The following CEP164 variants were observed in gnomAD, a reference collection of about 807,000 sequenced individuals.
CEP164 encodes centrosomal protein 164, also known as centrosomal protein of 164 kDa.
CEP164 carries 162 observed loss-of-function variants against 182.7 expected under a neutral mutation model. The ratio of observed to expected loss-of-function variants is 0.89; its 90% CI spans 0.78 to 1.01. The LOEUF (loss-of-function observed/expected upper bound fraction) is 1.01, where lower values mean the gene tolerates loss of function less well. Among genes scored for constraint, CEP164 ranks in the 50% least tolerant of loss-of-function variants. CEP164 has a pLI of 0.00. For synonymous variants in CEP164, 661 were observed against 690.0 expected, an observed-to-expected ratio of 0.96 and a Z score of 0.66; for missense variants, 1,735 against 1,790.4, an observed-to-expected ratio of 0.97 and a Z score of 0.56.
chr11:117,372,874 G>A (rs1046920801), intron 9 of CEP164, among the ~76,000 whole-genome samples: 1 of 152,100 alleles, frequency 6.6e-6, no homozygotes, highest in Non-Finnish European at 1.5e-5. Context: ...GGTAGATTAG[G>A]TGACAAGAAG....
chr11:117,405,164 G>C (rs2046534646), intron 27 of CEP164, among the ~76,000 whole-genome samples: 1 of 152,088 alleles, frequency 6.6e-6, no homozygotes, highest in South Asian at 2.1e-4. Context: ...GGAGTGAATG[G>C]TTCTGTGTCA....
chr11:117,376,074 A>G (rs1159755258), intron 11 of CEP164, among the ~76,000 whole-genome samples: 2 of 152,072 alleles, frequency 1.3e-5, no homozygotes, highest in African/African-American at 4.8e-5. Context: ...CGCTGTGTAG[A>G]TTGTAGATTT....
chr11:117,372,902 T>C (rs568339330), intron 9 of CEP164, among the ~76,000 whole-genome samples: 2 of 152,326 alleles, frequency 1.3e-5, no homozygotes, highest in East Asian at 1.9e-4. Context: ...TCGTCCATTT[T>C]TGTGGCTTTT....
intron 27 of CEP164, among the ~76,000 whole-genome samples, chr11:117,401,550 G>A (rs1188141497): frequency 2.0e-5 from 3 of 152,188 alleles, no homozygotes; most frequent in African/African-American, 7.2e-5. Context: ...CAGAAGGAAT[G>A]GTACCAACTC....
At chr11:117,349,958 A>C (rs2039410923) in intron 4 of CEP164, among the ~76,000 whole-genome samples, 2 of 152,072 alleles carry the variant, frequency 1.3e-5, no homozygotes, top group Admixed American at 6.6e-5. Context: ...TATTTTTAGT[A>C]GAGACGGAGT....
chr11:117,391,104 G>C lies in CEP164; in HGVS notation c.2172G>C (p.Gln724His), dbSNP rs766635809. The C allele has an allele frequency of 1.2e-6, 2 of 1,614,082 alleles. No individual in the cohort carries two copies. Among genetic ancestry groups the C allele is most frequent in the Non-Finnish European group, 1.7e-6 (2 of 1,180,008 alleles). Residue 724 changes from glutamine to histidine, a missense_variant, in exon 17 of 33, where the codon CAG (glutamine) becomes CAC (histidine). Physicochemically the swap from Gln to His is conservative, Grantham distance 24. Transcript: ENST00000278935. ...AGAAAAATAGGCAAATGCTGGAGCA[G>C]CTCAAGGAAGAGATAGAGGCTTCGG... The part of the protein sequence containing the change: ...LEQKNRQMLE[Q>H]LKEEIEASEK...
chr11:117,367,657 C>A (rs146242200), intron 8 of CEP164, among the ~76,000 whole-genome samples: 479 of 152,264 alleles, frequency 3.1e-3, no homozygotes, highest in Non-Finnish European at 5.5e-3. Flanking sequence ...GTATCCTCTC[C>A]TTTTAATTTT....
Position 117,412,389 on chromosome 11 carries a change from T to C in CEP164, c.*221T>C. ...ATGTGTGGACTCGTACGAGCTCTTG[T>C]CATTGACATGGCAAGCTGATGGCGT... On this transcript the variant is annotated 3_prime_UTR_variant, in exon 33 of 33. Transcript: ENST00000278935. 1 of 423,706 alleles carries C rather than the reference T, an allele frequency of 2.4e-6. No homozygotes were observed. Among genetic ancestry groups the C allele is most frequent in the Non-Finnish European group, 4.3e-6 (1 of 235,182 alleles). The allele number at this position is 423,706 out of a possible 1,614,324, so 26.2% of individuals were successfully genotyped here. A position where few individuals can be genotyped will look rare whatever the true frequency, so the allele number is the denominator to read the frequency against.
At chr11:117,352,097 T>C (rs2039710798) in intron 5 of CEP164, 109 bp downstream of exon 5, 2 of 904,270 alleles carry the variant, frequency 2.2e-6, no homozygotes, top group African/African-American at 1.7e-5. Context: ...AGTCAGAATA[T>C]GGTAAATTCT....
In CEP164 at chr11:117,380,600, C is replaced by T. The variant is rs1397653828; in HGVS notation, c.1318-14C>T. On this transcript the variant is annotated splice_polypyrimidine_tract_variant and intron_variant, in intron 11 of 32. Coordinates refer to ENST00000278935, the MANE Select transcript of CEP164 (RefSeq NM_014956.5). The stretch of plus-strand genomic sequence containing the variant: ...TCCCTCCAACACAAACTTTTTATTG[C>T]TTCTCTCCTACAGGCCCAGCAACCA... 1.9e-6 allele frequency: 3 copies of T among 1,581,230 alleles called. No individual in the cohort carries two copies. The highest frequency in any genetic ancestry group is 1.7e-6 in the Non-Finnish European group (2 of 1,162,696).
intron 5 of CEP164, among the ~76,000 whole-genome samples, chr11:117,354,669 C>G (rs879320596): frequency 2.0e-5 from 3 of 151,994 alleles, no homozygotes; most frequent in Non-Finnish European, 4.4e-5. Context: ...ATTTTCAGCC[C>G]AAGGGAGTTT....
intron 5 of CEP164, among the ~76,000 whole-genome samples, chr11:117,354,588 G>A (rs1278946011): frequency 6.6e-6 from 1 of 152,086 alleles, no homozygotes; most frequent in Admixed American, 6.6e-5. Context: ...CATGGAGCAA[G>A]GTTTGCAAAC....
At chr11:117,350,546 A>G (rs543696276) in intron 4 of CEP164, among the ~76,000 whole-genome samples, 2 of 152,198 alleles carry the variant, frequency 1.3e-5, no homozygotes, top group Non-Finnish European at 2.9e-5. Flanking sequence ...GGTCATTTGC[A>G]TATCTTCTAT....
At chr11:117,343,780 G>A (rs1435142809) in intron 3 of CEP164, among the ~76,000 whole-genome samples, 27 of 151,836 alleles carry the variant, frequency 1.8e-4, no homozygotes, top group Admixed American at 8.5e-4. Flanking sequence ...ACAGATGTGC[G>A]CCACCACGCT....
rs897090027 is a variant in CEP164, at chr11:117,412,351, A to G, written c.*183A>G. Reference sequence around the variant, plus strand: ...CACACATTCTGTGACTATATAACCTATCTCAGGCTAAAATGTGTGGACTCG... The same window carrying G: ...CACACATTCTGTGACTATATAACCTGTCTCAGGCTAAAATGTGTGGACTCG... On this transcript the variant is annotated 3_prime_UTR_variant, in exon 33 of 33. Transcript: ENST00000278935. The G allele has an allele frequency of 7.1e-5, 38 of 536,664 alleles. No individual in the cohort carries two copies. The highest frequency in any genetic ancestry group is 4.9e-4 in the Middle Eastern group (1 of 2,042). 33.2% of individuals were successfully genotyped at this position (536,664 alleles called of 1,614,324 possible).
Position 117,411,241 on chromosome 11 carries a change from C to A in CEP164, c.4163+347C>A. 1 of 298,246 alleles carries A rather than the reference C, an allele frequency of 3.4e-6. No individual in the cohort carries two copies. The highest frequency in any genetic ancestry group is 6.4e-6 in the Non-Finnish European group (1 of 155,318). The allele number at this position is 298,246 out of a possible 1,614,324, so 18.5% of individuals were successfully genotyped here. Reference sequence around the variant, plus strand: ...TAGCCCCTCCAGCCCCGGAGTCTGGCCTTTGTCTTTGCCCTTGAGCTCTTG... The same window carrying A: ...TAGCCCCTCCAGCCCCGGAGTCTGGACTTTGTCTTTGCCCTTGAGCTCTTG... On this transcript the variant is annotated intron_variant, in intron 31 of 32. Transcript: ENST00000278935. The surrounding 1 kb of genome is among the most constrained non-coding windows in gnomAD (Gnocchi z 4.4).
intron 5 of CEP164, among the ~76,000 whole-genome samples, chr11:117,356,938 C>G (rs937778065): frequency 6.6e-6 from 1 of 152,098 alleles, no homozygotes; most frequent in Non-Finnish European, 1.5e-5. Context: ...TCCTGGCATT[C>G]GTGCAGGATA....
intron 4 of CEP164, among the ~76,000 whole-genome samples, chr11:117,345,284 C>G (rs541489185): frequency 5.1e-4 from 77 of 152,284 alleles, no homozygotes; most frequent in African/African-American, 1.8e-3. Context: ...GTCACTGCCT[C>G]TGTCTTCCTC....
In CEP164 at chr11:117,407,916, T is replaced by G; in HGVS notation, c.3502-9T>G. On this transcript the variant is annotated splice_polypyrimidine_tract_variant and intron_variant, in intron 27 of 32. Transcript: ENST00000278935. ...AGTCATTTCTCCTCTGTTTTCTCCTTGGCTGCAGGAGACCAGGCACCTGGA... is the reference window on the plus strand; with the variant it reads ...AGTCATTTCTCCTCTGTTTTCTCCTGGGCTGCAGGAGACCAGGCACCTGGA... 6.3e-7 allele frequency: 1 copy of G among 1,576,318 alleles called. No homozygotes were observed. Among genetic ancestry groups the G allele is most frequent in the East Asian group, 2.3e-5 (1 of 43,482 alleles).
Sources: gnomAD v4.1 joint callset for allele counts (sites outside exome capture counted in the v4.1 genomes callset) on GRCh38, gnomAD v4.1.1 for gene constraint, Gnocchi (gnomAD v3.1) non-coding constraint, MANE v1.5 for transcripts, NCBI Gene and HGNC (gene_info 2026-07-23, HGNC 2026-07-21) for gene names.